The following FEM1C variants were observed in gnomAD, a reference collection of about 807,000 sequenced individuals.
FEM1C encodes protein fem-1 homolog C.
Under a neutral mutation model 37.6 loss-of-function variants are expected in FEM1C, and 15 were observed. The observed-to-expected ratio is 0.40, with a 90% CI of 0.27 to 0.61. FEM1C has a LOEUF of 0.61. Among genes scored for constraint, FEM1C ranks in the 20% least tolerant of loss-of-function variants. The probability of loss-of-function intolerance (pLI) is 0.42; values close to 1 mark genes in which losing one functional copy is unlikely to be tolerated. For missense variants in FEM1C, 532 were observed against 749.7 expected (o/e 0.71, Z 3.39); for synonymous variants, 287 against 272.8 (o/e 1.05, Z -0.51).
intron 2 of FEM1C, among the ~76,000 whole-genome samples, chr5:115,533,443 A>G (rs920850462): frequency 2.6e-5 from 4 of 152,090 alleles, no homozygotes; most frequent in African/African-American, 9.6e-5. Flanking sequence ...GAAAAAGTAT[A>G]ACAAGCCAAA....
rs985027700 is a variant in FEM1C at position 115,523,323 on chromosome 5, C to T, written c.*985G>A. On this transcript the variant is annotated 3_prime_UTR_variant, in exon 3 of 3. Transcript: ENST00000274457. ...TCAATTACTGAGTATTTCAATGTGA[C>T]TCATTAAGCTGTGTGATGAACTTTG... is the stretch of plus-strand genomic sequence containing the variant. 6 of 152,412 alleles carry T rather than the reference C, an allele frequency of 3.9e-5. No individual in the cohort carries two copies. Among genetic ancestry groups the T allele is most frequent in the Non-Finnish European group, 8.8e-5 (6 of 67,932 alleles). 9.4% of individuals were successfully genotyped at this position (152,412 alleles called of 1,614,324 possible).
At chr5:115,528,490 T>C (rs895068898) in intron 2 of FEM1C, among the ~76,000 whole-genome samples, 1 of 152,150 alleles carries the variant, frequency 6.6e-6, no homozygotes, top group African/African-American at 2.4e-5. Context: ...ACTTTAACCC[T>C]AGGGAGTTAA....
chr5:115,524,355 C>A lies in FEM1C; in HGVS notation c.1807G>T (p.Gly603Trp). The change falls in exon 3 of 3, where the codon GGG (glycine) becomes TGG (tryptophan). Residue 603 changes from glycine (G) to tryptophan (W), a missense_variant. By Grantham distance (184) the Gly-to-Trp change is radical. Transcript: ENST00000274457. ...GTCTCTAGCTTTTCTGGGATATGCC[C>A]TTTATAATATATTCTATGATTCACT... The part of the protein sequence containing the change: ...VIVNHRIYYK[G>W]HIPEKLETFV... 2 of 1,613,348 alleles carry A rather than the reference C, an allele frequency of 1.2e-6. No homozygotes were observed. The highest frequency in any genetic ancestry group is 1.7e-6 in the Non-Finnish European group (2 of 1,179,594).
At chr5:115,535,752 T>C (rs1176793334) in intron 2 of FEM1C, among the ~76,000 whole-genome samples, 3 of 151,948 alleles carry the variant, frequency 2.0e-5, no homozygotes, top group Non-Finnish European at 4.4e-5. Flanking sequence ...GGTATGTGCC[T>C]GAGAGAAATG....
In FEM1C at chr5:115,524,540, G is replaced by C; in HGVS notation, c.1622C>G (p.Pro541Arg). Residue 541 changes from proline (P) to arginine (R), a missense_variant, in exon 3 of 3, where the codon CCA becomes CGA. Transcript: ENST00000274457. ...TTTAATAAGGAGATTCATGATGTCT[G>C]GATGGTTGTTAAGAGCAGCGATATG... Reference protein sequence around the residue: ...PLHIAALNNHPDIMNLLIKSG... With the variant: ...PLHIAALNNHRDIMNLLIKSG... The C allele has an allele frequency of 6.2e-7, 1 of 1,613,436 alleles. No individual in the cohort carries two copies. Among genetic ancestry groups the C allele is most frequent in the South Asian group, 1.1e-5 (1 of 91,014 alleles).
chr5:115,537,446 T>C (rs988116164), intron 2 of FEM1C, among the ~76,000 whole-genome samples: 2 of 151,992 alleles, frequency 1.3e-5, no homozygotes, highest in Admixed American at 1.3e-4. Flanking sequence ...TCTGTGAGGA[T>C]TCACAGTTCA....
At chr5:115,541,761 C>G (rs1754246035) in intron 2 of FEM1C, among the ~76,000 whole-genome samples, 1 of 151,920 alleles carries the variant, frequency 6.6e-6, no homozygotes, top group Admixed American at 6.6e-5. Context: ...TGAATGACAT[C>G]CAAGGTTAGA....
intron 2 of FEM1C, among the ~76,000 whole-genome samples, chr5:115,542,358 T>C (rs1296118672): frequency 1.3e-5 from 2 of 152,210 alleles, no homozygotes; most frequent in African/African-American, 4.8e-5. Flanking sequence ...TCTCTTGCTA[T>C]ATTTAATGCA....
chr5:115,529,056 GAAC>G (rs1270178783), intron 2 of FEM1C, among the ~76,000 whole-genome samples: 1 of 151,932 alleles, frequency 6.6e-6, no homozygotes, highest in African/African-American at 2.4e-5. Flanking sequence ...GAGAAAGAGG[GAAC>G]AACGTCAGAA....
rs1753799226 is a variant in FEM1C at position 115,522,641 on chromosome 5, G to C, written c.*1667C>G. The C allele has an allele frequency of 2.0e-5, 3 of 152,190 alleles. No individual in the cohort carries two copies. The highest frequency in any genetic ancestry group is 3.4e-3 in the Middle Eastern group (1 of 294). 9.4% of individuals were successfully genotyped at this position (152,190 alleles called of 1,614,324 possible). A position where few individuals can be genotyped will look rare whatever the true frequency, so the allele number is the denominator to read the frequency against. ...CATACCTAATGTGACTGTTTGCATTGATGACTCCTTAAATAGTGTAACATC... is the reference window on the plus strand; with the variant it reads ...CATACCTAATGTGACTGTTTGCATTCATGACTCCTTAAATAGTGTAACATC... On this transcript the variant is annotated 3_prime_UTR_variant, in exon 3 of 3. Coordinates refer to ENST00000274457, the MANE Select transcript of FEM1C (RefSeq NM_020177.3).
At chr5:115,528,530 A>T (rs1753951965) in intron 2 of FEM1C, among the ~76,000 whole-genome samples, 1 of 152,206 alleles carries the variant, frequency 6.6e-6, no homozygotes, top group Non-Finnish European at 1.5e-5. Context: ...AGCTATCGCA[A>T]AAACTTAAAT....
At position 115,523,067 on chromosome 5, in the gene FEM1C, CT is replaced by C. The variant is rs796340730; in HGVS notation, c.*1240del. 16 of 152,314 alleles carry C rather than the reference CT, an allele frequency of 1.1e-4. No homozygotes were observed. Among genetic ancestry groups the C allele is most frequent in the African/African-American group, 3.4e-4 (14 of 41,546 alleles). The allele number at this position is 152,314 out of a possible 1,614,324, so 9.4% of individuals were successfully genotyped here. A position where few individuals can be genotyped will look rare whatever the true frequency, so the allele number is the denominator to read the frequency against. On this transcript the variant is annotated 3_prime_UTR_variant, in exon 3 of 3. Coordinates refer to ENST00000274457, the MANE Select transcript of FEM1C (RefSeq NM_020177.3). ...AAGCACTGCAACCTTTCATGTTTAA[CT>C]GGGGTGACAAATAATTGAGACCAAA...
In FEM1C at chr5:115,525,280, C is replaced by T; in HGVS notation, c.882G>A (p.Met294Ile). 6.2e-7 allele frequency: 1 copy of T among 1,613,676 alleles called. No individual in the cohort carries two copies. The highest frequency in any genetic ancestry group is 8.5e-7 in the Non-Finnish European group (1 of 1,179,814). ...ISKPVPQTLIMAYDYAKEVNS... is the reference protein window; with the variant it reads ...ISKPVPQTLIIAYDYAKEVNS... ...TCACTTCCTTGGCATAATCATAAGC[C>T]ATTATTAGTGTCTGTGGCACTGGTT... The change falls in exon 3 of 3, where the codon ATG (methionine) becomes ATA (isoleucine). Residue 294 changes from methionine (M) to isoleucine (I), a missense_variant. Met to Ile is a conservative substitution (Grantham distance 10, BLOSUM62 1). Around this residue, in one of 3 missense-constraint regions of FEM1C, gnomAD observed 221 missense variants for 404.1 expected, o/e 0.55. Transcript: ENST00000274457.
rs137962013 is a variant in FEM1C at position 115,534,210 on chromosome 5, C to G, written c.545-8593G>C. Among the ~76,000 whole-genome samples the G allele has an allele frequency of 2.6e-5, 4 of 151,976 alleles. No individual in the cohort carries two copies. The East Asian group carries it at 7.7e-4, about 29-fold the overall frequency. ...AGGTCAGGAAACTATGGTAAGTGCT[C>G]GTGCATTAAAGGGTGGTAGTATTCC... On this transcript the variant is annotated intron_variant, in intron 2 of 2. Coordinates refer to ENST00000274457, the MANE Select transcript of FEM1C (RefSeq NM_020177.3).
intron 2 of FEM1C, among the ~76,000 whole-genome samples, chr5:115,530,778 G>C (rs2127171087): frequency 6.6e-6 from 1 of 152,146 alleles, no homozygotes; most frequent in East Asian, 1.9e-4. Flanking sequence ...GGTCAAAGAA[G>C]CAAGCCCAAT....
At chr5:115,527,895 G>C (rs1280161997) in intron 2 of FEM1C, among the ~76,000 whole-genome samples, 1 of 151,704 alleles carries the variant, frequency 6.6e-6, no homozygotes. Flanking sequence ...CAGCTACTTG[G>C]GAGGCTGAGG....
At chr5:115,527,646 A>G (rs991634461) in intron 2 of FEM1C, among the ~76,000 whole-genome samples, 3 of 152,178 alleles carry the variant, frequency 2.0e-5, no homozygotes, top group Admixed American at 6.6e-5. Context: ...AAATCTGAAT[A>G]TAAAGAAATG....
Position 115,543,389 on chromosome 5 carries a change from GA to G in FEM1C, c.104del (p.Ile35ThrfsTer12). ...GCGTGGCCCCATTTGTTTTTTCAGA[GA>G]TCAAGGAGGAAACCTCCTCTTTGGA... ...SKSKEEVSSLISEKTNGATPL... is the reference protein window; with the variant it reads ...SKSKEEVSSLXSEKTNGATPL... On this transcript the variant is annotated frameshift_variant, in exon 2 of 3. Coordinates refer to ENST00000274457, the MANE Select transcript of FEM1C (RefSeq NM_020177.3). LOFTEE classifies it high-confidence loss of function. 6.2e-7 allele frequency: 1 copy of G among 1,614,196 alleles called. No homozygotes were observed. Among genetic ancestry groups the G allele is most frequent in the Non-Finnish European group, 8.5e-7 (1 of 1,180,032 alleles).
In FEM1C at chr5:115,543,529, T is replaced by C. The variant is rs774521706; in HGVS notation, c.-36A>G. The C allele has an allele frequency of 1.5e-5, 23 of 1,548,668 alleles. No homozygotes were observed. Among genetic ancestry groups the C allele is most frequent in the Middle Eastern group, 2.0e-4 (1 of 4,936 alleles). ...TTGAGAGGCTGTGCTTTATTTATCT[T>C]TCAAAGCAGAGCTCCAGTTTAACTC... On this transcript the variant is annotated 5_prime_UTR_variant, in exon 2 of 3. Transcript: ENST00000274457.
Sources: allele counts gnomAD v4.1 joint callset (sites outside exome capture counted in the v4.1 genomes callset), GRCh38; gene constraint gnomAD v4.1.1; regional missense constraint gnomAD v4.1.1; transcripts MANE v1.5; gene names NCBI Gene and HGNC (gene_info 2026-07-23, HGNC 2026-07-21).